Variants in MORC1 observed in about 807,000 individuals in gnomAD.
The protein encoded by MORC1 is MORC family CW-type zinc finger 1.
MORC1 carries 59 observed loss-of-function variants against 134.9 expected under a neutral mutation model. The ratio of observed to expected loss-of-function variants is 0.44; its 90% confidence interval spans 0.35 to 0.54. MORC1 has a LOEUF of 0.54. MORC1 is among the 20% of genes least tolerant of loss of function. The pLI, the probability that MORC1 is intolerant of heterozygous loss-of-function variation, is 0.00. For synonymous variants in MORC1, 395 were observed against 391.7 expected (o/e 1.01, Z -0.10); for missense variants, 947 against 1,134.5 (o/e 0.83, Z 2.37).
intron 17 of MORC1, among the ~76,000 whole-genome samples, chr3:109,015,128 C>T (rs1948786837): frequency 6.6e-6 from 1 of 152,174 alleles, no homozygotes; most frequent in Non-Finnish European, 1.5e-5. Flanking sequence ...AAGTGATCCG[C>T]CCTCCTTTGC....
chr3:108,998,736 T>G (rs866287612), intron 21 of MORC1, among the ~76,000 whole-genome samples: 39 of 152,296 alleles, frequency 2.6e-4, no homozygotes, highest in African/African-American at 8.9e-4. Flanking sequence ...AAACAGAAAT[T>G]AATGTGCATC....
chr3:109,009,617 TCA>T (rs1948635257), intron 17 of MORC1, among the ~76,000 whole-genome samples: 1 of 152,232 alleles, frequency 6.6e-6, no homozygotes, highest in South Asian at 2.1e-4. Context: ...AGTTTTTACT[TCA>T]TCACCTGAAG....
At chr3:109,062,096 T>C in intron 10 of MORC1, 38 bp from the exon 11 acceptor site, 1 of 1,583,078 alleles carries the variant, frequency 6.3e-7, no homozygotes, top group Non-Finnish European at 8.7e-7. Flanking sequence ...CACAGCAAAA[T>C]TATTTCAAGC....
At chr3:108,975,880 C>T (rs1424825770) in intron 24 of MORC1, among the ~76,000 whole-genome samples, 1 of 152,096 alleles carries the variant, frequency 6.6e-6, no homozygotes, top group Non-Finnish European at 1.5e-5. Context: ...TTATGTACCA[C>T]TAACTTAACA....
chr3:109,117,074 G>A (rs1290262875), intron 1 of MORC1, among the ~76,000 whole-genome samples: 1 of 152,026 alleles, frequency 6.6e-6, no homozygotes, highest in Non-Finnish European at 1.5e-5. Flanking sequence ...TTCTTCATTT[G>A]TCTTCCACCT....
chr3:109,014,147 T>G (rs1443628460), intron 17 of MORC1, among the ~76,000 whole-genome samples: 2 of 152,304 alleles, frequency 1.3e-5, no homozygotes, highest in Non-Finnish European at 2.9e-5. Flanking sequence ...TTAGAAGACT[T>G]TCAGAAAATG....
At chr3:109,091,979 C>T (rs149303104) in intron 8 of MORC1, among the ~76,000 whole-genome samples, 3 of 152,288 alleles carry the variant, frequency 2.0e-5, no homozygotes, top group Admixed American at 2.0e-4. Flanking sequence ...ATCCCTCTAA[C>T]AATGTATTGT....
At chr3:108,960,834 G>C (rs1353535554) in intron 27 of MORC1, among the ~76,000 whole-genome samples, 2 of 151,750 alleles carry the variant, frequency 1.3e-5, no homozygotes, top group Non-Finnish European at 2.9e-5. Context: ...ATCTGTAAAG[G>C]GCATCCATTT....
At chr3:109,059,026 C>T (rs970025417) in intron 12 of MORC1, among the ~76,000 whole-genome samples, 6 of 152,154 alleles carry the variant, frequency 3.9e-5, no homozygotes, top group African/African-American at 1.2e-4. Context: ...CATTTATTTA[C>T]ATTTTTCTAG....
chr3:109,032,641 T>C, intron 16 of MORC1, 79 bp downstream of exon 16: 2 of 977,382 alleles, frequency 2.0e-6, no homozygotes, highest in South Asian at 3.3e-5. Context: ...ATATTATAGA[T>C]TGACATTTTC....
At chr3:108,965,963 C>G (rs937999565) in intron 26 of MORC1, among the ~76,000 whole-genome samples, 1 of 152,124 alleles carries the variant, frequency 6.6e-6, no homozygotes. Flanking sequence ...TACAGGCCAG[C>G]CTTTTGGTTT....
chr3:109,064,532 T>C (rs35560795), intron 9 of MORC1, among the ~76,000 whole-genome samples: 18,100 of 152,008 alleles, frequency 0.12, 1,152 homozygotes, highest in Non-Finnish European at 0.14. Context: ...CTTAAAACAT[T>C]TGTTCAAAAT....
At chr3:109,046,501 A>G (rs1350034164) in intron 14 of MORC1, among the ~76,000 whole-genome samples, 1 of 152,182 alleles carries the variant, frequency 6.6e-6, no homozygotes, top group East Asian at 1.9e-4. Flanking sequence ...CTGTGTTATC[A>G]TGGGCAATAG....
intron 21 of MORC1, among the ~76,000 whole-genome samples, chr3:108,997,036 A>AAG (rs1687265802): frequency 6.8e-6 from 1 of 146,056 alleles, no homozygotes; most frequent in African/African-American, 2.5e-5. Context: ...AAAAAAAAAA[A>AAG]TGCTGTGGAA....
intron 11 of MORC1, 140 bp downstream of exon 11, chr3:109,061,848 T>C: frequency 1.3e-6 from 1 of 782,902 alleles, no homozygotes; most frequent in South Asian, 1.6e-5. Flanking sequence ...TCTGTTTACC[T>C]GAGTTAAAAT....
intron 24 of MORC1, among the ~76,000 whole-genome samples, chr3:108,976,404 C>T (rs991046786): frequency 2.0e-5 from 3 of 152,136 alleles, no homozygotes; most frequent in Non-Finnish European, 2.9e-5. Flanking sequence ...CAGCTGACCA[C>T]AATCTTCATG....
intron 8 of MORC1, among the ~76,000 whole-genome samples, chr3:109,077,656 AAGTG>A (rs958023108): frequency 1.3e-5 from 2 of 152,066 alleles, no homozygotes; most frequent in Non-Finnish European, 2.9e-5. Context: ...TATTATCAAA[AAGTG>A]GGGAGAGAAA....
intron 21 of MORC1, among the ~76,000 whole-genome samples, chr3:108,996,307 C>CACACACACACACACACACACAA (rs1052240440): frequency 4.0e-5 from 6 of 148,416 alleles, no homozygotes; most frequent in African/African-American, 1.2e-4. Context: ...CACACACACA[C>CACACACACACACACACACACAA]AACTAGAATT....
chr3:109,038,630 G>T (rs900610869), intron 14 of MORC1, among the ~76,000 whole-genome samples: 1 of 152,076 alleles, frequency 6.6e-6, no homozygotes, highest in Non-Finnish European at 1.5e-5. Flanking sequence ...TGTAAGGAAG[G>T]GATCCACTTT....
Sources: allele counts gnomAD v4.1 joint callset (sites outside exome capture counted in the v4.1 genomes callset), GRCh38; gene constraint gnomAD v4.1.1; transcripts MANE v1.5; gene names NCBI Gene and HGNC (gene_info 2026-07-23, HGNC 2026-07-21).